GABRB1: variants seen among roughly 807,000 people sequenced by gnomAD.
GABRB1 encodes the protein gamma-aminobutyric acid receptor subunit beta-1.
GABRB1 carries 17 observed loss-of-function variants against 51.6 expected under a neutral mutation model. The observed-to-expected ratio is 0.33, with a 90% CI of 0.23 to 0.49. GABRB1 has a LOEUF of 0.49. Ranked by LOEUF, GABRB1 falls within the 20% of genes least tolerant of loss-of-function variation. The pLI, the probability that GABRB1 is intolerant of heterozygous loss-of-function variation, is 0.99. For synonymous variants in GABRB1, 247 were observed against 218.9 expected (o/e 1.13, Z -1.14); for missense variants, 410 against 600.6 (o/e 0.68, Z 3.32).
intron 3 of GABRB1, among the ~76,000 whole-genome samples, chr4:47,124,494 T>C (rs1426041005): frequency 2.6e-5 from 4 of 152,112 alleles, no homozygotes; most frequent in African/African-American, 9.7e-5. Flanking sequence ...AGGAAACTAA[T>C]AAAGCTCTGT....
intron 1 of GABRB1, among the ~76,000 whole-genome samples, chr4:47,018,433 C>G (rs1397193266): frequency 6.6e-6 from 1 of 152,130 alleles, no homozygotes; most frequent in Non-Finnish European, 1.5e-5. Flanking sequence ...AGTAGTAAGA[C>G]TAATGCCACA....
chr4:47,267,170 G>T (rs1722669811), intron 4 of GABRB1, among the ~76,000 whole-genome samples: 1 of 151,938 alleles, frequency 6.6e-6, no homozygotes, highest in Non-Finnish European at 1.5e-5. Flanking sequence ...GAATTTAAAA[G>T]AAACAGAGAC....
intron 4 of GABRB1, among the ~76,000 whole-genome samples, chr4:47,293,265 C>A (rs1723829178): frequency 6.6e-6 from 1 of 152,152 alleles, no homozygotes; most frequent in South Asian, 2.1e-4. Flanking sequence ...CCTCAGCCTC[C>A]CAAGTAGCTG....
intron 5 of GABRB1, among the ~76,000 whole-genome samples, chr4:47,341,539 T>C (rs901532228): frequency 6.6e-6 from 1 of 152,188 alleles, no homozygotes; most frequent in Non-Finnish European, 1.5e-5. Flanking sequence ...TAATGAACAA[T>C]GGTGGTCTGC....
intron 3 of GABRB1, among the ~76,000 whole-genome samples, chr4:47,076,916 C>CT (rs1209865149): frequency 6.6e-6 from 1 of 152,172 alleles, no homozygotes; most frequent in Non-Finnish European, 1.5e-5. Flanking sequence ...TTCTTTTCTC[C>CT]TTGGCCCACT....
At chr4:47,206,436 G>C (rs1347510809) in intron 4 of GABRB1, among the ~76,000 whole-genome samples, 1 of 151,836 alleles carries the variant, frequency 6.6e-6, no homozygotes, top group Non-Finnish European at 1.5e-5. Context: ...TACATCTTTT[G>C]TAACTGTGTC....
At chr4:47,298,711 C>T (rs1724116213) in intron 4 of GABRB1, among the ~76,000 whole-genome samples, 1 of 152,206 alleles carries the variant, frequency 6.6e-6, no homozygotes, top group Admixed American at 6.5e-5. Flanking sequence ...CTACCAATGA[C>T]TTTCTTCACA....
intron 5 of GABRB1, among the ~76,000 whole-genome samples, chr4:47,388,030 G>T (rs925237664): frequency 1.3e-5 from 2 of 152,120 alleles, no homozygotes; most frequent in African/African-American, 4.8e-5. Flanking sequence ...GGTGTCAAAG[G>T]TTCAGCCATA....
intron 5 of GABRB1, among the ~76,000 whole-genome samples, chr4:47,328,388 A>G (rs1429704996): frequency 6.6e-6 from 1 of 152,142 alleles, no homozygotes; most frequent in Non-Finnish European, 1.5e-5. Flanking sequence ...GTCCTTGCCC[A>G]TGCCTATGTC....
At chr4:47,356,653 G>T (rs1193542400) in intron 5 of GABRB1, among the ~76,000 whole-genome samples, 1 of 152,136 alleles carries the variant, frequency 6.6e-6, no homozygotes, top group African/African-American at 2.4e-5. Context: ...AGAAAAGTGG[G>T]TCATAAACCT....
intron 4 of GABRB1, among the ~76,000 whole-genome samples, chr4:47,266,544 C>T (rs1261250280): frequency 6.6e-6 from 1 of 152,076 alleles, no homozygotes; most frequent in Non-Finnish European, 1.5e-5. Context: ...ACCCAAAGAT[C>T]GGTCAGGAGC....
intron 4 of GABRB1, among the ~76,000 whole-genome samples, chr4:47,294,363 G>C (rs2109927076): frequency 6.6e-6 from 1 of 152,318 alleles, no homozygotes; most frequent in East Asian, 1.9e-4. Flanking sequence ...CAAAGAAAGG[G>C]GTGACAGATG....
At chr4:47,312,560 G>A (rs182523761) in intron 4 of GABRB1, among the ~76,000 whole-genome samples, 12 of 152,248 alleles carry the variant, frequency 7.9e-5, no homozygotes, top group African/African-American at 2.9e-4. Context: ...ACACTCTATT[G>A]AGTGATACTG....
At chr4:47,204,822 A>C (rs919192584) in intron 4 of GABRB1, among the ~76,000 whole-genome samples, 3 of 152,096 alleles carry the variant, frequency 2.0e-5, no homozygotes, top group Non-Finnish European at 4.4e-5. Context: ...TTCTCCATTA[A>C]ACCTTTTTCC....
intron 5 of GABRB1, among the ~76,000 whole-genome samples, chr4:47,368,045 A>G (rs1437140882): frequency 6.6e-6 from 1 of 152,148 alleles, no homozygotes; most frequent in Non-Finnish European, 1.5e-5. Flanking sequence ...GTTGCTACCC[A>G]TGGTTATAGG....
chr4:47,312,643 TA>T (rs1314026287), intron 4 of GABRB1, among the ~76,000 whole-genome samples: 2 of 152,204 alleles, frequency 1.3e-5, no homozygotes, highest in African/African-American at 2.4e-5. Flanking sequence ...TCAGCATTTT[TA>T]GGGGATTTTC....
At chr4:47,062,740 T>C (rs1448720728) in intron 3 of GABRB1, among the ~76,000 whole-genome samples, 2 of 152,198 alleles carry the variant, frequency 1.3e-5, no homozygotes, top group Non-Finnish European at 2.9e-5. Context: ...TCCTTAAGCA[T>C]GTCTCTTAAA....
intron 4 of GABRB1, among the ~76,000 whole-genome samples, chr4:47,291,855 C>T (rs984787096): frequency 1.3e-5 from 2 of 152,142 alleles, no homozygotes; most frequent in African/African-American, 4.8e-5. Context: ...AACTAACCTG[C>T]TTTTGATTTT....
intron 5 of GABRB1, among the ~76,000 whole-genome samples, chr4:47,401,705 G>T (rs1037266523): frequency 3.9e-5 from 6 of 152,186 alleles, no homozygotes. Flanking sequence ...AATATAAGCT[G>T]TCATATTGCC....
Sources: allele counts gnomAD v4.1 joint callset (sites outside exome capture counted in the v4.1 genomes callset), GRCh38; gene constraint gnomAD v4.1.1; transcripts MANE v1.5; gene names NCBI Gene and HGNC (gene_info 2026-07-23, HGNC 2026-07-21).